The following MECOM variants were observed in gnomAD, a reference collection of about 807,000 sequenced individuals.
MECOM encodes MDS1 and EVI1 complex locus.
In MECOM, 13 loss-of-function variants were observed where a neutral mutation model predicts 116.3. That is an observed-to-expected ratio of 0.11 (90% CI 0.07 to 0.18). MECOM has a LOEUF of 0.18. Ranked by LOEUF, MECOM falls within the 10% of genes least tolerant of loss-of-function variation. The probability of loss-of-function intolerance (pLI) is 1.00; values close to 1 mark genes in which losing one functional copy is unlikely to be tolerated. For missense variants in MECOM, 1,299 were observed against 1,509.0 expected (o/e 0.86, Z 2.31); for synonymous variants, 528 against 535.2 (o/e 0.99, Z 0.19).
intron 2 of MECOM, among the ~76,000 whole-genome samples, chr3:169,230,318 T>G (rs1216722696): frequency 6.6e-6 from 1 of 152,094 alleles, no homozygotes; most frequent in Admixed American, 6.6e-5. Context: ...TTGAGATACA[T>G]GGGATATGAA....
intron 1 of MECOM, among the ~76,000 whole-genome samples, chr3:169,572,807 A>G (rs1189799527): frequency 6.6e-6 from 1 of 152,042 alleles, no homozygotes; most frequent in Non-Finnish European, 1.5e-5. Flanking sequence ...GGAGGGCAAC[A>G]TCACACACCG....
At chr3:169,397,948 A>G (rs998194510) in intron 1 of MECOM, among the ~76,000 whole-genome samples, 2 of 152,148 alleles carry the variant, frequency 1.3e-5, no homozygotes, top group African/African-American at 4.8e-5. Context: ...CAAGCCTTGT[A>G]TCATTTTCTT....
At chr3:169,656,717 G>T (rs1775584664) in intron 1 of MECOM, among the ~76,000 whole-genome samples, 1 of 152,078 alleles carries the variant, frequency 6.6e-6, no homozygotes, top group South Asian at 2.1e-4. Flanking sequence ...AATGTTATGG[G>T]CTTTACCGTG....
intron 6 of MECOM, 23 bp downstream of exon 6, chr3:169,122,557 A>C (rs1560207508): frequency 1.2e-6 from 2 of 1,613,708 alleles, no homozygotes; most frequent in Non-Finnish European, 1.7e-6. Context: ...AGAGAGGCCA[A>C]GTAGCCTACA....
chr3:169,572,945 T>C (rs1764091087), intron 1 of MECOM, among the ~76,000 whole-genome samples: 1 of 151,822 alleles, frequency 6.6e-6, no homozygotes, highest in Admixed American at 6.6e-5. Flanking sequence ...ACCTGCACGT[T>C]CTGCACATGT....
intron 1 of MECOM, among the ~76,000 whole-genome samples, chr3:169,569,396 C>A (rs1454501173): frequency 6.6e-6 from 1 of 152,054 alleles, no homozygotes; most frequent in Non-Finnish European, 1.5e-5. Context: ...GACTTTAACA[C>A]CCCACTGTCA....
Position 169,302,878 on chromosome 3 carries a change from T to C in MECOM, c.375+78309A>G, listed in dbSNP as rs549182312. ...GACTCTGTCTCAAAAAAAAAAAGCG[T>C]AACATTTTAGAAACAAACTAGATTT... On this transcript the variant is annotated intron_variant, in intron 2 of 16. Transcript: ENST00000651503. Among the ~76,000 whole-genome samples, 3 of 150,484 alleles carry C rather than the reference T, an allele frequency of 2.0e-5. No individual in the cohort carries two copies. In the South Asian group the frequency reaches 6.3e-4, roughly 32 times the overall value.
chr3:169,653,590 G>C (rs1166150464), intron 1 of MECOM, among the ~76,000 whole-genome samples: 10 of 151,584 alleles, frequency 6.6e-5, no homozygotes, highest in Non-Finnish European at 1.5e-5. Context: ...CCAAAATTTG[G>C]ATGGTAGAAA....
At chr3:169,471,517 A>G (rs1419239818) in intron 1 of MECOM, among the ~76,000 whole-genome samples, 1 of 152,212 alleles carries the variant, frequency 6.6e-6, no homozygotes, top group East Asian at 1.9e-4. Flanking sequence ...ACTTCTCAGA[A>G]AAGTCACACG....
chr3:169,643,369 CTG>C (rs906190800), intron 1 of MECOM, among the ~76,000 whole-genome samples: 4 of 152,296 alleles, frequency 2.6e-5, no homozygotes, highest in African/African-American at 9.6e-5. Flanking sequence ...GTTATTAGCA[CTG>C]TGTTTTCTAA....
chr3:169,089,782 A>T (rs191719025), intron 15 of MECOM, among the ~76,000 whole-genome samples: 17 of 152,258 alleles, frequency 1.1e-4, no homozygotes, highest in Admixed American at 9.2e-4. Flanking sequence ...ACCTCAGGTT[A>T]ATCAGAGTTG....
chr3:169,229,871 T>C (rs954079819), intron 2 of MECOM, among the ~76,000 whole-genome samples: 9 of 152,154 alleles, frequency 5.9e-5, no homozygotes, highest in Non-Finnish European at 1.3e-4. Flanking sequence ...CATGTCATAA[T>C]ATAATGTGGG....
intron 1 of MECOM, among the ~76,000 whole-genome samples, chr3:169,515,604 G>A (rs1756527523): frequency 6.6e-6 from 1 of 152,084 alleles, no homozygotes; most frequent in South Asian, 2.1e-4. Flanking sequence ...TTACACAGGA[G>A]GCATCATCAT....
At chr3:169,334,557 G>A (rs899654247) in intron 2 of MECOM, among the ~76,000 whole-genome samples, 1 of 152,026 alleles carries the variant, frequency 6.6e-6, no homozygotes, top group East Asian at 1.9e-4. Context: ...GACGGAGAAC[G>A]CTGGTTGATG....
intron 1 of MECOM, among the ~76,000 whole-genome samples, chr3:169,563,646 CT>C (rs1203142307): frequency 6.6e-6 from 1 of 152,128 alleles, no homozygotes; most frequent in Non-Finnish European, 1.5e-5. Flanking sequence ...GCAAGTCATG[CT>C]TCATTCGAGG....
chr3:169,538,327 T>G (rs1201885148), intron 1 of MECOM, among the ~76,000 whole-genome samples: 1 of 152,206 alleles, frequency 6.6e-6, no homozygotes, highest in Non-Finnish European at 1.5e-5. Flanking sequence ...TATACTTTTT[T>G]TGTGACAACC....
Position 169,092,957 on chromosome 3 carries a change from C to A in MECOM, c.3164+1G>T. The A allele has an allele frequency of 6.2e-7, 1 of 1,613,676 alleles. No homozygotes were observed. On this transcript the variant is annotated splice_donor_variant, in intron 14 of 16. Transcript: ENST00000651503. LOFTEE classifies it high-confidence loss of function. The stretch of plus-strand genomic sequence containing the variant: ...GTTTAAAAAGTAAAAGACAGCTTTA[C>A]CTCTCCTCCACATTCCTGGGAGATT...
At chr3:169,452,363 A>G (rs948792613) in intron 1 of MECOM, among the ~76,000 whole-genome samples, 2 of 152,228 alleles carry the variant, frequency 1.3e-5, no homozygotes, top group African/African-American at 4.8e-5. Flanking sequence ...AAGTTAACAT[A>G]TGGGAAATCC....
chr3:169,341,739 CAAA>C (rs578130947), intron 2 of MECOM, among the ~76,000 whole-genome samples: 1 of 121,928 alleles, frequency 8.2e-6, no homozygotes, highest in Non-Finnish European at 1.7e-5. Context: ...GACTCCCTCT[CAAA>C]AAAAAAAAAA....
Sources: allele counts gnomAD v4.1 joint callset (sites outside exome capture counted in the v4.1 genomes callset), GRCh38; gene constraint gnomAD v4.1.1; transcripts MANE v1.5; gene names NCBI Gene and HGNC (gene_info 2026-07-23, HGNC 2026-07-21).